Variants in FHIT observed in about 807,000 individuals in gnomAD.
FHIT encodes fragile histidine triad diadenosine triphosphatase.
Under a neutral mutation model 17.9 loss-of-function variants are expected in FHIT, and 19 were observed. The ratio of observed to expected loss-of-function variants is 1.06; its 90% confidence interval spans 0.74 to 1.56. The LOEUF is 1.56. FHIT is among the 40% of genes most tolerant of loss of function. The probability of loss-of-function intolerance (pLI) is 0.00; values close to 1 mark genes in which losing one functional copy is unlikely to be tolerated. For missense variants in FHIT, 248 were observed against 189.2 expected (o/e 1.31, Z -1.82); for synonymous variants, 81 against 69.7 (o/e 1.16, Z -0.81).
At chr3:60,007,284 T>C (rs976957980) in intron 7 of FHIT, among the ~76,000 whole-genome samples, 1 of 152,204 alleles carries the variant, frequency 6.6e-6, no homozygotes, top group Non-Finnish European at 1.5e-5. Flanking sequence ...TGGAATTACA[T>C]TTTGGAACAT....
At chr3:60,290,236 G>C (rs1323541093) in intron 5 of FHIT, among the ~76,000 whole-genome samples, 1 of 152,080 alleles carries the variant, frequency 6.6e-6, no homozygotes, top group East Asian at 1.9e-4. Flanking sequence ...AAAGAGTACT[G>C]TGCTTGACAG....
intron 8 of FHIT, among the ~76,000 whole-genome samples, chr3:59,804,908 T>C (rs1374431754): frequency 5.9e-5 from 9 of 152,164 alleles, no homozygotes; most frequent in Admixed American, 4.6e-4. Context: ...AAACCACCCT[T>C]TCTCCCAGGT....
At chr3:61,072,668 G>A (rs1012337322) in intron 2 of FHIT, among the ~76,000 whole-genome samples, 2 of 151,972 alleles carry the variant, frequency 1.3e-5, no homozygotes, top group African/African-American at 4.8e-5. Flanking sequence ...TTCTGGCATG[G>A]CCCTATTTTT....
chr3:61,240,691 A>C (rs889849270), intron 1 of FHIT, among the ~76,000 whole-genome samples: 3 of 152,210 alleles, frequency 2.0e-5, no homozygotes, highest in Non-Finnish European at 2.9e-5. Context: ...TAAGATGGGA[A>C]TTTAAGGTAC....
chr3:60,976,507 C>G lies in FHIT; in HGVS notation c.-111+65540G>C, dbSNP rs1033526720. ...AACAAACAAACGAAAAACCATGTCT[C>G]TATAAAAAGGAATGAAACATAATGT... On this transcript the variant is annotated intron_variant, in intron 3 of 9. Coordinates refer to ENST00000492590, the MANE Select transcript of FHIT (RefSeq NM_002012.4). 2.0e-5 allele frequency among the ~76,000 whole-genome samples: 3 copies of G among 152,160 alleles called. No individual in the cohort carries two copies. In the East Asian group the frequency reaches 5.8e-4, roughly 29 times the overall value.
intron 4 of FHIT, among the ~76,000 whole-genome samples, chr3:60,651,925 A>G (rs2040000486): frequency 6.6e-6 from 1 of 152,232 alleles, no homozygotes; most frequent in Non-Finnish European, 1.5e-5. Context: ...TTTCTAAATG[A>G]TACTAAAGAA....
At position 60,365,300 on chromosome 3, in the gene FHIT, T is replaced by A. The variant is rs1271369176; in HGVS notation, c.103+171560A>T. On this transcript the variant is annotated intron_variant, in intron 5 of 9. Coordinates refer to ENST00000492590, the MANE Select transcript of FHIT (RefSeq NM_002012.4). ...GAAGGCAAGTTAACCAGATATACTT[T>A]GAATGTAAGGTTACATGTTCCCTTT... is the stretch of plus-strand genomic sequence containing the variant. Among the ~76,000 whole-genome samples the A allele has an allele frequency of 2.0e-5, 3 of 151,998 alleles. No individual in the cohort carries two copies. In the East Asian group the frequency reaches 5.8e-4, roughly 29 times the overall value.
intron 5 of FHIT, among the ~76,000 whole-genome samples, chr3:60,519,554 T>C (rs1320977471): frequency 1.3e-5 from 2 of 151,788 alleles, no homozygotes; most frequent in African/African-American, 2.4e-5. Flanking sequence ...TGTTTATGTA[T>C]TATGTATTGT....
At chr3:59,891,100 A>G (rs1703835392) in intron 8 of FHIT, among the ~76,000 whole-genome samples, 1 of 152,236 alleles carries the variant, frequency 6.6e-6, no homozygotes, top group Non-Finnish European at 1.5e-5. Flanking sequence ...AATTGGTGGG[A>G]TATGTTCCAG....
chr3:60,240,653 G>A lies in FHIT; in HGVS notation c.104-226501C>T, dbSNP rs182179895. Among the ~76,000 whole-genome samples, 358 of 152,292 alleles carry A rather than the reference G, an allele frequency of 2.4e-3. 3 individuals carry two copies. Among genetic ancestry groups the A allele is most frequent in the Non-Finnish European group, 3.8e-3 (259 of 68,022 alleles). The stretch of plus-strand genomic sequence containing the variant: ...ACAAAGAAAGAGAAGGAAGAGGGAT[G>A]ATAAATGCAGAGGACTTGGGAGGGA... On this transcript the variant is annotated intron_variant, in intron 5 of 9. Coordinates refer to ENST00000492590, the MANE Select transcript of FHIT (RefSeq NM_002012.4).
chr3:61,213,067 AC>A (rs2039540705), intron 1 of FHIT, among the ~76,000 whole-genome samples: 1 of 152,252 alleles, frequency 6.6e-6, no homozygotes, highest in South Asian at 2.1e-4. Context: ...AATTGTAAAG[AC>A]CATCAAGGCT....
At chr3:61,105,347 G>A (rs193083103) in intron 2 of FHIT, among the ~76,000 whole-genome samples, 1 of 152,016 alleles carries the variant, frequency 6.6e-6, no homozygotes, top group Non-Finnish European at 1.5e-5. Context: ...CCAACACTCA[G>A]CTTCCAACTC....
intron 4 of FHIT, among the ~76,000 whole-genome samples, chr3:60,664,264 G>T (rs561575936): frequency 6.6e-6 from 1 of 151,816 alleles, no homozygotes; most frequent in Admixed American, 6.6e-5. Flanking sequence ...TTATTTCTAT[G>T]GTATATTACA....
rs550382487 is a variant in FHIT at position 60,365,260 on chromosome 3, C to T, written c.103+171600G>A. ...AATTTATTATTTCTTTGTAAAAATG[C>T]ATATGGAGGAGAGGGAAGGCAAGTT... On this transcript the variant is annotated intron_variant, in intron 5 of 9. Coordinates refer to ENST00000492590, the MANE Select transcript of FHIT (RefSeq NM_002012.4). 3.3e-5 allele frequency among the ~76,000 whole-genome samples: 5 copies of T among 151,618 alleles called. 1 individual carries two copies. In the South Asian group the frequency reaches 1.0e-3, roughly 32 times the overall value.
intron 5 of FHIT, among the ~76,000 whole-genome samples, chr3:60,122,789 A>G (rs1459288579): frequency 6.6e-6 from 1 of 152,206 alleles, no homozygotes; most frequent in Non-Finnish European, 1.5e-5. Context: ...ACCATTTAGA[A>G]GGGAAGAATA....
At chr3:60,704,867 ATCTTG>A (rs1295916580) in intron 4 of FHIT, among the ~76,000 whole-genome samples, 2 of 147,094 alleles carry the variant, frequency 1.4e-5, no homozygotes, top group Non-Finnish European at 2.9e-5. Context: ...TCTCAGAGAT[ATCTTG>A]AGAGGCTGAT....
intron 5 of FHIT, among the ~76,000 whole-genome samples, chr3:60,051,533 C>T (rs1701880074): frequency 6.6e-6 from 1 of 152,038 alleles, no homozygotes; most frequent in Non-Finnish European, 1.5e-5. Flanking sequence ...GTAAGATATG[C>T]CCACCACTGG....
chr3:61,154,181 C>T (rs762587107), intron 2 of FHIT, among the ~76,000 whole-genome samples: 1 of 152,180 alleles, frequency 6.6e-6, no homozygotes, highest in African/African-American at 2.4e-5. Flanking sequence ...ATTCCTCTAG[C>T]CATGCAAGCC....
intron 7 of FHIT, among the ~76,000 whole-genome samples, chr3:59,997,984 G>T (rs74693395): frequency 6.6e-6 from 1 of 151,940 alleles, no homozygotes. Flanking sequence ...TTCAACACAG[G>T]GTATCAAGGG....
Sources: allele counts gnomAD v4.1 joint callset (sites outside exome capture counted in the v4.1 genomes callset), GRCh38; gene constraint gnomAD v4.1.1; transcripts MANE v1.5; gene names NCBI Gene and HGNC (gene_info 2026-07-23, HGNC 2026-07-21).